ALKAL2: variants seen among roughly 807,000 people sequenced by gnomAD.
ALKAL2 encodes ALK and LTK ligand 2.
A neutral mutation model predicts 18.5 loss-of-function variants in ALKAL2; 8 were observed. The observed-to-expected ratio is 0.43, with a 90% CI of 0.25 to 0.78. ALKAL2 has a LOEUF of 0.78. Among genes scored for constraint, ALKAL2 ranks in the 30% least tolerant of loss-of-function variants. The pLI, the probability that ALKAL2 is intolerant of heterozygous loss-of-function variation, is 0.22. For synonymous variants in ALKAL2, 135 were observed against 95.8 expected (o/e 1.41, Z -2.39); for missense variants, 241 against 211.2 (o/e 1.14, Z -0.88).
chr2:282,890 G>A (rs988062763), intron 5 of ALKAL2, among the ~76,000 whole-genome samples: 60 of 152,210 alleles, frequency 3.9e-4, no homozygotes, highest in Non-Finnish European at 1.3e-4. Context: ...CTTAGTGCCC[G>A]TGTGCCATGC....
At chr2:282,351 A>C (rs1244253384) in intron 5 of ALKAL2, among the ~76,000 whole-genome samples, 1 of 152,252 alleles carries the variant, frequency 6.6e-6, no homozygotes, top group Admixed American at 6.5e-5. Flanking sequence ...CTATCAATGG[A>C]CAGGAAGCCT....
intron 5 of ALKAL2, among the ~76,000 whole-genome samples, chr2:281,529 C>G (rs1016604817): frequency 1.3e-5 from 2 of 152,204 alleles, no homozygotes; most frequent in Admixed American, 6.5e-5. Context: ...GTTTGCAAAG[C>G]AGGACGTGCG....
intron 4 of ALKAL2, chr2:283,520 T>G: frequency 1.0e-6 from 1 of 985,454 alleles, no homozygotes; most frequent in Non-Finnish European, 1.2e-6. Context: ...CGTACCCTTG[T>G]GCTACTTTCA....
chr2:281,586 G>A (rs935973382), intron 5 of ALKAL2, among the ~76,000 whole-genome samples: 12 of 152,166 alleles, frequency 7.9e-5, no homozygotes, highest in South Asian at 2.1e-4. Flanking sequence ...ACATGACCAC[G>A]TCCTTCAGTG....
At chr2:284,945 G>C (rs139828197) in intron 4 of ALKAL2, among the ~76,000 whole-genome samples, 10 of 152,304 alleles carry the variant, frequency 6.6e-5, no homozygotes, top group Non-Finnish European at 1.3e-4. Context: ...AAACAGGAGA[G>C]TACTAGTGTG....
At chr2:281,463 G>C (rs1670341601) in intron 5 of ALKAL2, among the ~76,000 whole-genome samples, 1 of 152,140 alleles carries the variant, frequency 6.6e-6, no homozygotes, top group Admixed American at 6.5e-5. Flanking sequence ...TGTGAAGAGT[G>C]CTGGGGACTA....
Position 279,797 on chromosome 2 carries a change from T to C in ALKAL2, c.*350A>G. ...AATATCAAATTATGTTATATGAAAA[T>C]ATACTTTAAGATTCTGCTTATGTTT... On this transcript the variant is annotated 3_prime_UTR_variant, in exon 6 of 6. Transcript: ENST00000403610. The C allele has an allele frequency of 4.1e-6, 1 of 241,456 alleles. No individual in the cohort carries two copies. The highest frequency in any genetic ancestry group is 8.0e-6 in the Non-Finnish European group (1 of 124,608). The allele number at this position is 241,456 out of a possible 1,614,324, so 15.0% of individuals were successfully genotyped here.
Position 279,997 on chromosome 2 carries a change from C to G in ALKAL2, c.*150G>C. 1.2e-6 allele frequency: 1 copy of G among 810,732 alleles called. No individual in the cohort carries two copies. Among genetic ancestry groups the G allele is most frequent in the Non-Finnish European group, 2.1e-6 (1 of 467,976 alleles). 50.2% of individuals were successfully genotyped at this position (810,732 alleles called of 1,614,324 possible). ...ATATATATCTGCAAACTGTCAACAACATACAAAACTCAAAGGACTTATGGA... is the reference window on the plus strand; with the variant it reads ...ATATATATCTGCAAACTGTCAACAAGATACAAAACTCAAAGGACTTATGGA... On this transcript the variant is annotated 3_prime_UTR_variant, in exon 6 of 6. Coordinates refer to ENST00000403610, the MANE Select transcript of ALKAL2 (RefSeq NM_001002919.3).
intron 5 of ALKAL2, among the ~76,000 whole-genome samples, chr2:281,776 T>C (rs1670362561): frequency 6.6e-6 from 1 of 151,582 alleles, no homozygotes; most frequent in African/African-American, 2.4e-5. Flanking sequence ...CTGTGTTTAA[T>C]TATAAAGAAA....
intron 4 of ALKAL2, among the ~76,000 whole-genome samples, chr2:285,420 GA>G (rs1465843608): frequency 6.6e-6 from 1 of 152,074 alleles, no homozygotes; most frequent in Non-Finnish European, 1.5e-5. Context: ...TTTCTCCTGT[GA>G]GCCTTAAATA....
chr2:287,628 G>A lies in ALKAL2; in HGVS notation c.208C>T (p.Arg70Cys). 14 of 1,477,274 alleles carry A rather than the reference G, an allele frequency of 9.5e-6. No homozygotes were observed. The highest frequency in any genetic ancestry group is 1.3e-5 in the Non-Finnish European group (14 of 1,119,900). The allele number at this position is 1,477,274 out of a possible 1,614,324, so 91.5% of individuals were successfully genotyped here. ...GGCCCCAGCCCCGCCGCCTCCGCGCGGCCCAGGGCGCAGTCCCGCCCGAGG... is the reference window on the plus strand; with the variant it reads ...GGCCCCAGCCCCGCCGCCTCCGCGCAGCCCAGGGCGCAGTCCCGCCCGAGG... The part of the protein sequence containing the change: ...QLLGRDCALG[R>C]AEAAGLGPSP... The change falls in exon 2 of 6, where the codon CGC (arginine) becomes TGC (cysteine). Residue 70 changes from arginine (R) to cysteine (C), a missense_variant. Coordinates refer to ENST00000403610, the MANE Select transcript of ALKAL2 (RefSeq NM_001002919.3).
At chr2:287,452 A>C in intron 2 of ALKAL2, 131 bp downstream of exon 2, 1 of 29,438 alleles carries the variant, frequency 3.4e-5, no homozygotes, top group Non-Finnish European at 4.2e-5. Flanking sequence ...TTTTCTTAAA[A>C]AAAAAAAAAA....
In ALKAL2 at chr2:280,387, C is replaced by T. The variant is rs568767761; in HGVS notation, c.454-235G>A. On this transcript the variant is annotated intron_variant, in intron 5 of 5. Transcript: ENST00000403610. ...AAAGCAATGAAAATCATCACAGATA[C>T]ATGTGGATGCTTTATTACAGCTTGA... is the stretch of plus-strand genomic sequence containing the variant. 2.6e-5 allele frequency among the ~76,000 whole-genome samples: 4 copies of T among 152,332 alleles called. No individual in the cohort carries two copies. The South Asian group carries it at 8.3e-4, about 32-fold the overall frequency.
In ALKAL2 at chr2:286,306, A is replaced by G. The variant is rs1229550146; in HGVS notation, c.291T>C (p.Phe97=). The change falls in exon 3 of 6, where the codon TTT becomes TTC. Residue 97 remains phenylalanine (F), a synonymous_variant. Transcript: ENST00000403610. The part of the protein sequence containing the change: ...VPRDLRMKDK[F]LKHLTGPLYF... ...AAAACTTACCTGTAAGGTGTTTTAGAAACTTGTCCTTCATCCTCAGATCTC... is the reference window on the plus strand; with the variant it reads ...AAAACTTACCTGTAAGGTGTTTTAGGAACTTGTCCTTCATCCTCAGATCTC... 6.2e-7 allele frequency: 1 copy of G among 1,612,950 alleles called. No individual in the cohort carries two copies. The highest frequency in any genetic ancestry group is 1.3e-5 in the African/African-American group (1 of 74,996).
rs567228455 is a variant in ALKAL2 at position 281,644 on chromosome 2, C to T, written c.453+1467G>A. Among the ~76,000 whole-genome samples, 7 of 152,084 alleles carry T rather than the reference C, an allele frequency of 4.6e-5. No homozygotes were observed. The East Asian group carries it at 7.7e-4, about 17-fold the overall frequency. On this transcript the variant is annotated intron_variant, in intron 5 of 5. Coordinates refer to ENST00000403610, the MANE Select transcript of ALKAL2 (RefSeq NM_001002919.3). Reference sequence around the variant, plus strand: ...CAGCCAGCGGAGGGGAGGCAGGGGTCGGCTAATGGGCATGTGGACGGAGTA... The same window carrying T: ...CAGCCAGCGGAGGGGAGGCAGGGGTTGGCTAATGGGCATGTGGACGGAGTA...
In ALKAL2 at chr2:287,600, G is replaced by A; in HGVS notation, c.236C>T (p.Ser79Leu). 6.8e-7 allele frequency: 1 copy of A among 1,466,608 alleles called. No individual in the cohort carries two copies. The highest frequency in any genetic ancestry group is 9.0e-7 in the Non-Finnish European group (1 of 1,115,060). The allele number at this position is 1,466,608 out of a possible 1,614,324, so 90.8% of individuals were successfully genotyped here. The change falls in exon 2 of 6, where the codon TCG becomes TTG. Residue 79 changes from serine (S) to leucine (L), a missense_variant. Physicochemically the swap from Ser to Leu is moderately radical, Grantham distance 145. Transcript: ENST00000403610. Reference protein sequence around the residue: ...GRAEAAGLGPSPEQRVEIVPR... With the variant: ...GRAEAAGLGPLPEQRVEIVPR... ...CCACTCACCCACTCGCTGCTCCGGC[G>A]AAGGCCCCAGCCCCGCCGCCTCCGC...
rs1428260343 is a variant in ALKAL2, at chr2:283,613, AAGTC to A, written c.389-442_389-439del. ...GTAAATTCTAAAGAAAGTGGGTCAA[AAGTC>A]AGGCAGCAGAGCAGAGGCCTGGAGT... On this transcript the variant is annotated intron_variant, in intron 4 of 5. Coordinates refer to ENST00000403610, the MANE Select transcript of ALKAL2 (RefSeq NM_001002919.3). 8.1e-6 allele frequency: 8 copies of A among 985,300 alleles called. No homozygotes were observed. The African/African-American group carries it at 8.7e-5, about 11-fold the overall frequency. 61.0% of individuals were successfully genotyped at this position (985,300 alleles called of 1,614,324 possible).
In ALKAL2 at chr2:287,703, C is replaced by T; in HGVS notation, c.133G>A (p.Val45Ile). 1 of 1,478,848 alleles carries T rather than the reference C, an allele frequency of 6.8e-7. No homozygotes were observed. 91.6% of individuals were successfully genotyped at this position (1,478,848 alleles called of 1,614,324 possible). Reference sequence around the variant, plus strand: ...GAGTGGTGCTTCCGCAGCTCCTGGACGAGTTCCACCACCAGCCGCAGCAGC... The same window carrying T: ...GAGTGGTGCTTCCGCAGCTCCTGGATGAGTTCCACCACCAGCCGCAGCAGC... ...QALLRLVVEL[V>I]QELRKHHSAE... The change falls in exon 2 of 6, where the codon GTC (valine) becomes ATC (isoleucine). Residue 45 changes from valine to isoleucine, a missense_variant. Physicochemically the swap from Val to Ile is conservative, Grantham distance 29. Transcript: ENST00000403610.
At chr2:285,661 C>G (rs1198009507) in intron 4 of ALKAL2, among the ~76,000 whole-genome samples, 1 of 152,132 alleles carries the variant, frequency 6.6e-6, no homozygotes. Context: ...GTGATGGAGC[C>G]AGCCAGAGAA....
Sources: gnomAD v4.1 joint callset for allele counts (sites outside exome capture counted in the v4.1 genomes callset) on GRCh38, gnomAD v4.1.1 for gene constraint, MANE v1.5 for transcripts, NCBI Gene and HGNC (gene_info 2026-07-23, HGNC 2026-07-21) for gene names.